The following AREL1 variants were observed in gnomAD, a reference collection of about 807,000 sequenced individuals.
AREL1 encodes apoptosis-resistant E3 ubiquitin protein ligase 1.
Under a neutral mutation model 99.0 loss-of-function variants are expected in AREL1, and 62 were observed. The ratio of observed to expected loss-of-function variants is 0.63; its 90% CI spans 0.51 to 0.77. The LOEUF (loss-of-function observed/expected upper bound fraction) is 0.77. AREL1 is among the 30% of genes least tolerant of loss of function. The probability of loss-of-function intolerance (pLI) is 0.00; values close to 1 mark genes in which losing one functional copy is unlikely to be tolerated. For synonymous variants in AREL1, 380 were observed against 376.5 expected (o/e 1.01, Z -0.11); for missense variants, 879 against 1,027.6 (o/e 0.86, Z 1.98).
chr14:74,670,304 T>C (rs929099306), intron 13 of AREL1, among the ~76,000 whole-genome samples, 178 bp from the exon 14 acceptor site: 4 of 152,160 alleles, frequency 2.6e-5, no homozygotes, highest in African/African-American at 9.7e-5. Flanking sequence ...GACTAGAAGA[T>C]AAAGGGCAAA....
In AREL1 at chr14:74,674,018, G is replaced by T; in HGVS notation, c.1158+16C>A. Reference sequence around the variant, plus strand: ...GAAGCATGCTTGATGTGAACCAGATGTAAGGTTCAGCTTACTTTTGTTCCT... The same window carrying T: ...GAAGCATGCTTGATGTGAACCAGATTTAAGGTTCAGCTTACTTTTGTTCCT... On this transcript the variant is annotated intron_variant, in intron 9 of 19. Coordinates refer to ENST00000356357, the MANE Select transcript of AREL1 (RefSeq NM_001039479.2). The T allele has an allele frequency of 6.3e-7, 1 of 1,592,760 alleles. No individual in the cohort carries two copies. Among genetic ancestry groups the T allele is most frequent in the Non-Finnish European group, 8.6e-7 (1 of 1,160,828 alleles).
At chr14:74,663,850 C>A (rs755441462) in intron 19 of AREL1, 28 bp from the exon 20 acceptor site, 1 of 1,614,210 alleles carries the variant, frequency 6.2e-7, no homozygotes, top group Non-Finnish European at 8.5e-7. Context: ...AAGTGATTAA[C>A]TCATACCACC....
intron 1 of AREL1, among the ~76,000 whole-genome samples, chr14:74,704,325 CAT>C (rs964686215): frequency 6.6e-6 from 1 of 152,154 alleles, no homozygotes; most frequent in African/African-American, 2.4e-5. Context: ...GTCCTGACGA[CAT>C]GTGCCCAAGG....
intron 15 of AREL1, 28 bp downstream of exon 15, chr14:74,669,621 G>A: frequency 6.2e-7 from 1 of 1,610,012 alleles, no homozygotes; most frequent in Non-Finnish European, 8.5e-7. Context: ...GAGAACATAG[G>A]ACCCAGAGGC....
chr14:74,676,556 C>T (rs1291878841), intron 6 of AREL1, 27 bp downstream of exon 6: 1 of 1,604,644 alleles, frequency 6.2e-7, no homozygotes, highest in Non-Finnish European at 8.5e-7. Context: ...CTCTCTAGCA[C>T]ACAGATAAAG....
Position 74,713,053 on chromosome 14 carries a change from C to T in AREL1, c.-454G>A. ...CAACAGACCCCAGAGTTGGTCTCCA[C>T]CCGGCCTGGGAACCGGCTCGGGGGA... On this transcript the variant is annotated 5_prime_UTR_variant, in exon 1 of 20. It adds an upstream start codon to the 5' untranslated region. Coordinates refer to ENST00000356357, the MANE Select transcript of AREL1 (RefSeq NM_001039479.2). The T allele has an allele frequency of 1.3e-6, 2 of 1,494,712 alleles. No homozygotes were observed. Among genetic ancestry groups the T allele is most frequent in the Non-Finnish European group, 1.9e-6 (2 of 1,073,080 alleles). 92.6% of individuals were successfully genotyped at this position (1,494,712 alleles called of 1,614,324 possible).
rs2089136237 is a variant in AREL1, at chr14:74,663,604, C to T, written c.*116G>A. On this transcript the variant is annotated 3_prime_UTR_variant, in exon 20 of 20. Coordinates refer to ENST00000356357, the MANE Select transcript of AREL1 (RefSeq NM_001039479.2). ...ACAAAATCCTCCAGACACAGGGGAG[C>T]ATGCGGCATCTTCTGGCTGATGGTT... 9.5e-7 allele frequency: 1 copy of T among 1,049,076 alleles called. No individual in the cohort carries two copies. Among genetic ancestry groups the T allele is most frequent in the East Asian group, 2.4e-5 (1 of 41,976 alleles). 65.0% of individuals were successfully genotyped at this position (1,049,076 alleles called of 1,614,324 possible). A position where few individuals can be genotyped will look rare whatever the true frequency, so the allele number is the denominator to read the frequency against.
chr14:74,669,880 C>T, intron 14 of AREL1, 67 bp downstream of exon 14: 1 of 1,580,134 alleles, frequency 6.3e-7, no homozygotes, highest in Non-Finnish European at 8.6e-7. Context: ...ATTTACAAGC[C>T]CAGGAGGAGA....
chr14:74,675,852 G>A lies in AREL1; in HGVS notation c.927C>T (p.Ser309=), dbSNP rs1566684577. 2.5e-6 allele frequency: 4 copies of A among 1,614,186 alleles called. No individual in the cohort carries two copies. The highest frequency in any genetic ancestry group is 3.4e-6 in the Non-Finnish European group (4 of 1,180,018). ...GCATGGGTGGCAGGTGCCATGGAGT[G>A]CTGCTACAGTTGGTAGCATTATAAA... ...AYLYNATNCS[S]TPWHLPPMHM... is the part of the protein sequence containing the mutation. The change falls in exon 8 of 20, where the codon AGC becomes AGT. Residue 309 remains serine, a synonymous_variant. Coordinates refer to ENST00000356357, the MANE Select transcript of AREL1 (RefSeq NM_001039479.2).
chr14:74,697,819 A>G (rs2090004913), intron 1 of AREL1, among the ~76,000 whole-genome samples: 1 of 152,122 alleles, frequency 6.6e-6, no homozygotes, highest in African/African-American at 2.4e-5. Flanking sequence ...ACTACTCTTG[A>G]GCAGGCAATC....
At position 74,667,341 on chromosome 14, in the gene AREL1, A is replaced by T; in HGVS notation, c.2081T>A (p.Ile694Asn). 6.2e-7 allele frequency: 1 copy of T among 1,614,218 alleles called. No individual in the cohort carries two copies. Among genetic ancestry groups the T allele is most frequent in the Non-Finnish European group, 8.5e-7 (1 of 1,180,022 alleles). The change falls in exon 17 of 20, where the codon ATT becomes AAT. Residue 694 changes from isoleucine (I) to asparagine (N), a missense_variant. Coordinates refer to ENST00000356357, the MANE Select transcript of AREL1 (RefSeq NM_001039479.2). ...TACCTCAAGCTCATTCTCATCAAAA[A>T]TAGCCAAAAGGTTCTCAGGGACCAA... The part of the protein sequence containing the change: ...NELVPENLLA[I>N]FDENELELLM...
chr14:74,702,505 CA>C (rs1459190198), intron 1 of AREL1, among the ~76,000 whole-genome samples: 1 of 152,204 alleles, frequency 6.6e-6, no homozygotes, highest in Admixed American at 6.5e-5. Flanking sequence ...CTGCACACAG[CA>C]GGGGGGACCT....
intron 15 of AREL1, 103 bp downstream of exon 15, chr14:74,669,546 C>A: frequency 2.1e-6 from 3 of 1,444,826 alleles, no homozygotes; most frequent in Non-Finnish European, 2.8e-6. Flanking sequence ...ATAGACAACA[C>A]AAATATGGAA....
chr14:74,694,805 CG>C (rs1004505604), intron 1 of AREL1, among the ~76,000 whole-genome samples: 1 of 151,680 alleles, frequency 6.6e-6, no homozygotes, highest in African/African-American at 2.4e-5. Context: ...CTGGCTAACA[CG>C]GTGAAATCCC....
intron 5 of AREL1, chr14:74,678,035 T>C (rs902217816): frequency 1.1e-5 from 4 of 354,924 alleles, no homozygotes; most frequent in African/African-American, 6.5e-5. Flanking sequence ...AATTGATATA[T>C]AGGTTTAACA....
intron 18 of AREL1, 38 bp from the exon 19 acceptor site, chr14:74,664,112 A>C: frequency 6.3e-7 from 1 of 1,593,916 alleles, no homozygotes; most frequent in Non-Finnish European, 8.6e-7. Context: ...CACACACAGT[A>C]AACAAGCTAG....
chr14:74,664,127 A>G, intron 18 of AREL1, 53 bp from the exon 19 acceptor site: 1 of 1,569,488 alleles, frequency 6.4e-7, no homozygotes, highest in Non-Finnish European at 8.7e-7. Context: ...AGCTAGGATT[A>G]GATCCCTGGG....
intron 1 of AREL1, among the ~76,000 whole-genome samples, chr14:74,693,352 T>A (rs1282223962): frequency 6.6e-6 from 1 of 152,214 alleles, no homozygotes; most frequent in East Asian, 1.9e-4. Flanking sequence ...GGAAAATCTG[T>A]GAACTTTCAA....
intron 9 of AREL1, among the ~76,000 whole-genome samples, chr14:74,673,520 T>C (rs1459624336): frequency 6.6e-6 from 1 of 152,230 alleles, no homozygotes; most frequent in Non-Finnish European, 1.5e-5. Context: ...CGGTGATATA[T>C]TAAATAGCAA....
Sources: allele counts gnomAD v4.1 joint callset (sites outside exome capture counted in the v4.1 genomes callset), GRCh38; gene constraint gnomAD v4.1.1; transcripts MANE v1.5; gene names NCBI Gene and HGNC (gene_info 2026-07-23, HGNC 2026-07-21).